VBP1: variants seen among roughly 807,000 people sequenced by gnomAD.
VBP1 encodes the protein VHL binding protein 1.
A neutral mutation model predicts 15.5 loss-of-function variants in VBP1; 4 were observed. The ratio of observed to expected loss-of-function variants is 0.26; its 90% CI spans 0.13 to 0.59. The LOEUF (loss-of-function observed/expected upper bound fraction) is 0.59, where lower values mean the gene tolerates loss of function less well. VBP1 is among the 20% of genes least tolerant of loss of function. VBP1 has a pLI of 0.90. For missense variants in VBP1, 108 were observed against 139.6 expected (o/e 0.77, Z 1.14); for synonymous variants, 61 against 52.1 (o/e 1.17, Z -0.74).
chrX:155,232,760 CT>C (rs2074753290), intron 4 of VBP1, among the ~76,000 whole-genome samples: 1 of 112,987 alleles, frequency 8.9e-6, no homozygotes, highest in African/African-American at 3.2e-5. Context: ...CTGGCAGTAT[CT>C]GTTAAAGCAG....
chrX:155,223,264 C>T (rs1356250819), intron 2 of VBP1, among the ~76,000 whole-genome samples: 2 of 104,879 alleles, frequency 1.9e-5, no homozygotes, highest in Non-Finnish European at 3.9e-5. Flanking sequence ...TTGGCAGGGT[C>T]ATAGGACAAT....
chrX:155,219,857 A>C (rs2074680615), intron 1 of VBP1, among the ~76,000 whole-genome samples: 1 of 111,217 alleles, frequency 9.0e-6, no homozygotes, highest in Non-Finnish European at 1.9e-5. Context: ...GAATGCTCTA[A>C]AATCCAAAAC....
chrX:155,206,375 A>G (rs2124044811), intron 1 of VBP1, among the ~76,000 whole-genome samples: 1 of 110,067 alleles, frequency 9.1e-6, no homozygotes, highest in East Asian at 2.9e-4. Context: ...CTGGGACTAC[A>G]GGCACCTGCC....
chrX:155,217,857 T>A (rs1041730792), intron 1 of VBP1, among the ~76,000 whole-genome samples: 4 of 111,530 alleles, frequency 3.6e-5, no homozygotes, highest in African/African-American at 1.3e-4. Flanking sequence ...GGGTTTGAAC[T>A]TGGACAATCC....
chrX:155,209,675 C>G (rs1374913339), intron 2 of VBP1, among the ~76,000 whole-genome samples: 1 of 111,634 alleles, frequency 9.0e-6, no homozygotes, highest in Admixed American at 9.5e-5. Context: ...GTATTGTTTT[C>G]TAGAAGACTT....
rs35367656 is a variant in VBP1, at chrX:155,234,109, G to GT, written c.385-2091dup. 8.3e-3 allele frequency among the ~76,000 whole-genome samples: 238 copies of GT among 28,689 alleles called. 27 individuals carry two copies. Among genetic ancestry groups the GT allele is most frequent in the African/African-American group, 0.011 (75 of 7,092 alleles). 24.9% of individuals were successfully genotyped at this position (28,689 alleles called of 115,157 possible). On this transcript the variant is annotated intron_variant, in intron 4 of 5. Transcript: ENST00000286428. ...GAGTTTTCACTTTAGTTGTTCCTCT[G>GT]TTTTTTTTTTTTTTTTTTTTTTTTT...
chrX:155,207,886 T>C (rs1365972943), intron 1 of VBP1, among the ~76,000 whole-genome samples: 3 of 112,258 alleles, frequency 2.7e-5, no homozygotes, highest in African/African-American at 9.7e-5. Context: ...AACATTTTCA[T>C]TGATAGATGA....
chrX:155,232,678 G>A (rs1175819015), intron 4 of VBP1, among the ~76,000 whole-genome samples: 5 of 112,195 alleles, frequency 4.5e-5, no homozygotes, highest in African/African-American at 1.6e-4. Context: ...CTAAGTGATG[G>A]TAGGACATGG....
intron 1 of VBP1, among the ~76,000 whole-genome samples, chrX:155,198,387 C>T (rs374038391): frequency 1.3e-4 from 14 of 111,638 alleles, no homozygotes; most frequent in Admixed American, 3.8e-4. Context: ...ACACCTCACA[C>T]GGCGGGGTAC....
At chrX:155,231,102 A>C (rs1557310812) in intron 4 of VBP1, among the ~76,000 whole-genome samples, 2 of 112,230 alleles carry the variant, frequency 1.8e-5, no homozygotes, top group East Asian at 5.6e-4. Flanking sequence ...AAGCTGCCAG[A>C]GTAGTGCTTT....
At chrX:155,197,359 A>T (rs1177770122) in intron 1 of VBP1, among the ~76,000 whole-genome samples, 2 of 111,683 alleles carry the variant, frequency 1.8e-5, no homozygotes, top group Non-Finnish European at 3.8e-5. Flanking sequence ...GATGTCTTTA[A>T]ACCTCTTAAG....
intron 2 of VBP1, 40 bp downstream of exon 2, chrX:155,220,347 A>T (rs1557309463): frequency 9.4e-7 from 1 of 1,063,597 alleles, no homozygotes. Flanking sequence ...ATCTTATATG[A>T]CTTGAACTTT....
At chrX:155,229,002 A>C (rs190131846) in intron 4 of VBP1, among the ~76,000 whole-genome samples, 2 of 111,930 alleles carry the variant, frequency 1.8e-5, no homozygotes, top group Admixed American at 1.9e-4. Flanking sequence ...TGATTTACCT[A>C]TTTTGCTCTT....
intron 1 of VBP1, among the ~76,000 whole-genome samples, chrX:155,197,775 C>T (rs1557306819): frequency 8.9e-6 from 1 of 112,158 alleles, no homozygotes; most frequent in African/African-American, 3.2e-5. Flanking sequence ...GTGAGTGCAG[C>T]GCACTGTGCG....
chrX:155,230,620 A>G (rs1351551624), intron 4 of VBP1, among the ~76,000 whole-genome samples: 1 of 111,182 alleles, frequency 9.0e-6, no homozygotes, highest in Non-Finnish European at 1.9e-5. Context: ...CATTCCGAGG[A>G]AAAGTCCAAG....
At chrX:155,220,445 C>T (rs782713980) in intron 2 of VBP1, 138 bp downstream of exon 2, 4 of 466,060 alleles carry the variant, frequency 8.6e-6, no homozygotes, top group African/African-American at 5.1e-5. Flanking sequence ...TATGAAATTC[C>T]CACCAGCAAC....
At chrX:155,236,394 G>A (rs782631934) in intron 5 of VBP1, 27 bp downstream of exon 5, 5 of 1,177,676 alleles carry the variant, frequency 4.2e-6, no homozygotes, top group Admixed American at 2.6e-5. Context: ...CAAAAAGCAA[G>A]GGAAAAAAGG....
At chrX:155,206,582 AT>A (rs1422090355) in intron 1 of VBP1, among the ~76,000 whole-genome samples, 1 of 110,790 alleles carries the variant, frequency 9.0e-6, no homozygotes, top group African/African-American at 3.3e-5. Context: ...GTGGAAGAGC[AT>A]TCCAGGAGAG....
chrX:155,199,451 A>G (rs1415785208), intron 1 of VBP1, among the ~76,000 whole-genome samples: 1 of 111,865 alleles, frequency 8.9e-6, no homozygotes, highest in African/African-American at 3.3e-5. Flanking sequence ...GAGGGCCAAT[A>G]TTCAACATTC....
Sources: allele counts gnomAD v4.1 joint callset (sites outside exome capture counted in the v4.1 genomes callset), GRCh38; gene constraint gnomAD v4.1.1; transcripts MANE v1.5; gene names NCBI Gene and HGNC (gene_info 2026-07-23, HGNC 2026-07-21).